Variants in PRDM6 observed in about 807,000 individuals in gnomAD.
PRDM6 encodes putative histone-lysine N-methyltransferase PRDM6.
A neutral mutation model predicts 60.8 loss-of-function variants in PRDM6; 25 were observed. That is an observed-to-expected ratio of 0.41 (90% CI 0.30 to 0.57). The LOEUF (loss-of-function observed/expected upper bound fraction) is 0.57, where lower values mean the gene tolerates loss of function less well. Ranked by LOEUF, PRDM6 falls within the 20% of genes least tolerant of loss-of-function variation. The pLI is 0.27. For synonymous variants in PRDM6, 407 were observed against 357.4 expected, an observed-to-expected ratio of 1.14 and a Z score of -1.57; for missense variants, 839 against 821.3, an observed-to-expected ratio of 1.02 and a Z score of -0.26.
chr5:123,096,838 A>T (rs1213190513), intron 2 of PRDM6, among the ~76,000 whole-genome samples: 1 of 152,208 alleles, frequency 6.6e-6, no homozygotes, highest in Non-Finnish European at 1.5e-5. Context: ...CCACAGTTTT[A>T]TTATCATGCA....
rs1469337075 is a variant in PRDM6, at chr5:123,099,526, C to T, written c.593-128C>T. 1 of 833,032 alleles carries T rather than the reference C, an allele frequency of 1.2e-6. No individual in the cohort carries two copies. Among genetic ancestry groups the T allele is most frequent in the East Asian group, 3.0e-5 (1 of 33,714 alleles). 51.6% of individuals were successfully genotyped at this position (833,032 alleles called of 1,614,324 possible). On this transcript the variant is annotated intron_variant, in intron 2 of 7. Transcript: ENST00000407847. This position sits in a 1 kb window ranked among gnomAD's most constrained non-coding sequence, Gnocchi z 4.0. Reference sequence around the variant, plus strand: ...TTGCTTCGGTGCCCCCAAGGCATCACCTTCCTCGAAGGTGGCTTACCCAGG... The same window carrying T: ...TTGCTTCGGTGCCCCCAAGGCATCATCTTCCTCGAAGGTGGCTTACCCAGG...
intron 3 of PRDM6, among the ~76,000 whole-genome samples, chr5:123,104,735 C>G (rs562999885): frequency 9.1e-4 from 139 of 152,062 alleles, no homozygotes; most frequent in Non-Finnish European, 1.5e-3. Context: ...CTGGCTTTGC[C>G]TCATTTGATT....
At chr5:123,126,451 C>G (rs1764697786) in intron 3 of PRDM6, among the ~76,000 whole-genome samples, 1 of 151,664 alleles carries the variant, frequency 6.6e-6, no homozygotes, top group Non-Finnish European at 1.5e-5. Context: ...GGCCAGGACT[C>G]CAGCAGTGAG....
intron 3 of PRDM6, among the ~76,000 whole-genome samples, chr5:123,121,185 C>T (rs71594331): frequency 0.012 from 1,878 of 152,274 alleles, 19 homozygotes; most frequent in Middle Eastern, 0.054. Flanking sequence ...ACTTGGCTCC[C>T]AAGCCACCAA....
Position 123,187,424 on chromosome 5 carries a change from G to T in PRDM6, c.*223G>T. 2.8e-6 allele frequency: 1 copy of T among 361,816 alleles called. No homozygotes were observed. Among genetic ancestry groups the T allele is most frequent in the South Asian group, 3.2e-5 (1 of 30,986 alleles). 22.4% of individuals were successfully genotyped at this position (361,816 alleles called of 1,614,324 possible). ...ACTTAGGGATGAGACTTATTTCAGT[G>T]GACAACTAACCTGGGATGGTTAACA... On this transcript the variant is annotated 3_prime_UTR_variant, in exon 8 of 8. Coordinates refer to ENST00000407847, the MANE Select transcript of PRDM6 (RefSeq NM_001136239.4).
chr5:123,173,954 G>T (rs2126886100), intron 6 of PRDM6, among the ~76,000 whole-genome samples: 2 of 152,302 alleles, frequency 1.3e-5, no homozygotes, highest in East Asian at 3.9e-4. Context: ...AACTGTAATG[G>T]GACATCAAAT....
intron 6 of PRDM6, among the ~76,000 whole-genome samples, chr5:123,172,929 C>T (rs1003410126): frequency 1.4e-4 from 22 of 152,268 alleles, no homozygotes; most frequent in South Asian, 1.0e-3. Context: ...CAGTGGCTCA[C>T]GCCTGTAAAC....
intron 3 of PRDM6, among the ~76,000 whole-genome samples, chr5:123,105,073 A>G (rs193252934): frequency 1.6e-4 from 25 of 152,382 alleles, no homozygotes; most frequent in African/African-American, 6.0e-4. Flanking sequence ...TTTAGCTGCA[A>G]ACACTTTATA....
intron 3 of PRDM6, among the ~76,000 whole-genome samples, chr5:123,132,012 T>G (rs754073919): frequency 4.6e-5 from 7 of 152,154 alleles, no homozygotes. Flanking sequence ...ATGACGTCAG[T>G]TAACATATAA....
chr5:123,103,060 A>G (rs1490583906), intron 3 of PRDM6, among the ~76,000 whole-genome samples: 3 of 152,068 alleles, frequency 2.0e-5, no homozygotes, highest in African/African-American at 4.8e-5. Flanking sequence ...GCATGCAATC[A>G]TTGTTTTAGT....
At chr5:123,129,559 C>G (rs1050279993) in intron 3 of PRDM6, among the ~76,000 whole-genome samples, 2 of 152,138 alleles carry the variant, frequency 1.3e-5, no homozygotes, top group African/African-American at 4.8e-5. Flanking sequence ...AAATTCAGGA[C>G]TTGGTATATC....
At chr5:123,138,759 T>G (rs1765028828) in intron 3 of PRDM6, among the ~76,000 whole-genome samples, 1 of 152,202 alleles carries the variant, frequency 6.6e-6, no homozygotes, top group Non-Finnish European at 1.5e-5. Context: ...GCTGTTTCTT[T>G]TTGAAGGCAT....
intron 3 of PRDM6, among the ~76,000 whole-genome samples, chr5:123,142,899 A>AAAAAAAAAAAAAAAAAAAAAAAAAAC (rs1765143030): frequency 7.7e-6 from 1 of 129,840 alleles, no homozygotes; most frequent in African/African-American, 2.9e-5. Flanking sequence ...AAAAAAAAAA[A>AAAAAAAAAAAAAAAAAAAAAAAAAAC]AAACAAACAA....
intron 3 of PRDM6, among the ~76,000 whole-genome samples, chr5:123,111,281 G>A (rs1764305597): frequency 6.6e-6 from 1 of 152,184 alleles, no homozygotes; most frequent in African/African-American, 2.4e-5. Flanking sequence ...CTCTAGCAGG[G>A]AGTCAAGCAT....
intron 5 of PRDM6, among the ~76,000 whole-genome samples, chr5:123,164,459 G>C (rs561338519): frequency 8.5e-5 from 13 of 152,316 alleles, no homozygotes; most frequent in African/African-American, 3.1e-4. Flanking sequence ...CCTAGCCCTA[G>C]TCGTAGGATG....
chr5:123,179,769 G>T (rs1239536006), intron 6 of PRDM6, among the ~76,000 whole-genome samples: 1 of 152,178 alleles, frequency 6.6e-6, no homozygotes, highest in Non-Finnish European at 1.5e-5. Flanking sequence ...AGATGAAAGT[G>T]CTATGGAAGC....
At position 123,193,741 on chromosome 5, in the gene PRDM6, A is replaced by G. The variant is rs1337920869; in HGVS notation, c.*6540A>G. On this transcript the variant is annotated 3_prime_UTR_variant, in exon 8 of 8. Transcript: ENST00000407847. ...TCAAGGGGAAGACATCCAGTTCTGT[A>G]GGATGCTAATAGAAGTGTGATATTT... 6.6e-6 allele frequency: 1 copy of G among 152,212 alleles called. No homozygotes were observed. Among genetic ancestry groups the G allele is most frequent in the African/African-American group, 2.4e-5 (1 of 41,468 alleles). The allele number at this position is 152,212 out of a possible 1,614,324, so 9.4% of individuals were successfully genotyped here. A position where few individuals can be genotyped will look rare whatever the true frequency, so the allele number is the denominator to read the frequency against.
intron 5 of PRDM6, among the ~76,000 whole-genome samples, chr5:123,161,961 A>G (rs898627572): frequency 1.8e-4 from 28 of 152,160 alleles, no homozygotes; most frequent in African/African-American, 6.5e-4. Flanking sequence ...CTAGTATGGA[A>G]GTGGTGGAGG....
chr5:123,149,976 A>G (rs1022065917), intron 3 of PRDM6, among the ~76,000 whole-genome samples: 4 of 152,186 alleles, frequency 2.6e-5, no homozygotes, highest in African/African-American at 7.2e-5. Context: ...GTTTATTTGC[A>G]TATGCTGCGC....
Sources: allele counts gnomAD v4.1 joint callset (sites outside exome capture counted in the v4.1 genomes callset), GRCh38; gene constraint gnomAD v4.1.1; non-coding constraint Gnocchi (gnomAD v3.1); transcripts MANE v1.5; gene names NCBI Gene and HGNC (gene_info 2026-07-23, HGNC 2026-07-21).